Variants in PPM1H observed in about 807,000 individuals in gnomAD.
PPM1H encodes protein phosphatase 1H.
Under a neutral mutation model 54.9 loss-of-function variants are expected in PPM1H, and 27 were observed. That is an observed-to-expected ratio of 0.49 (90% CI 0.36 to 0.68). The LOEUF (loss-of-function observed/expected upper bound fraction) is 0.68, where lower values mean the gene tolerates loss of function less well. Ranked by LOEUF, PPM1H falls within the 30% of genes least tolerant of loss-of-function variation. The pLI is 0.00. For synonymous variants in PPM1H, 305 were observed against 270.8 expected (o/e 1.13, Z -1.24); for missense variants, 596 against 667.8 (o/e 0.89, Z 1.19).
At chr12:62,903,391 C>G (rs1871215280) in intron 1 of PPM1H, among the ~76,000 whole-genome samples, 1 of 152,102 alleles carries the variant, frequency 6.6e-6, no homozygotes, top group African/African-American at 2.4e-5. Flanking sequence ...CCAGAAATAC[C>G]CTGAAATGTT....
chr12:62,650,935 G>C (rs1041476462), intron 9 of PPM1H, among the ~76,000 whole-genome samples: 6 of 152,122 alleles, frequency 3.9e-5, no homozygotes, highest in African/African-American at 1.4e-4. Context: ...CTTACTCTTA[G>C]TTTTATATTA....
At chr12:62,781,024 G>A (rs1565786719) in intron 4 of PPM1H, among the ~76,000 whole-genome samples, 1 of 152,236 alleles carries the variant, frequency 6.6e-6, no homozygotes, top group Non-Finnish European at 1.5e-5. Context: ...TCAAGGCACA[G>A]CTTGGTTGGA....
At chr12:62,826,785 T>C (rs943395001) in intron 2 of PPM1H, among the ~76,000 whole-genome samples, 1 of 152,260 alleles carries the variant, frequency 6.6e-6, no homozygotes, top group African/African-American at 2.4e-5. Flanking sequence ...AGGGACTTCA[T>C]GCATCTTCGG....
At chr12:62,829,078 T>G (rs747467834) in intron 2 of PPM1H, among the ~76,000 whole-genome samples, 1 of 152,108 alleles carries the variant, frequency 6.6e-6, no homozygotes, top group South Asian at 2.1e-4. Context: ...ATCACATAAT[T>G]CATCAAATCC....
chr12:62,775,160 T>C (rs983956095), intron 4 of PPM1H, among the ~76,000 whole-genome samples: 1 of 152,194 alleles, frequency 6.6e-6, no homozygotes, highest in Admixed American at 6.5e-5. Context: ...TTGATGAAAA[T>C]TGCTAATTGC....
chr12:62,915,943 A>T (rs554296438), intron 1 of PPM1H, among the ~76,000 whole-genome samples: 276 of 152,252 alleles, frequency 1.8e-3, no homozygotes, highest in Middle Eastern at 0.01. Context: ...CTCTACACAA[A>T]ACCTGTTCTT....
At chr12:62,847,803 A>G (rs1322599439) in intron 1 of PPM1H, among the ~76,000 whole-genome samples, 1 of 152,238 alleles carries the variant, frequency 6.6e-6, no homozygotes, top group East Asian at 1.9e-4. Flanking sequence ...GAAGCTTACC[A>G]AGAGTAGACA....
chr12:62,819,885 T>G (rs1233391893), intron 2 of PPM1H, among the ~76,000 whole-genome samples: 1 of 152,148 alleles, frequency 6.6e-6, no homozygotes, highest in Admixed American at 6.5e-5. Context: ...ATTTCTGCAT[T>G]TCGAACTGAG....
intron 2 of PPM1H, among the ~76,000 whole-genome samples, chr12:62,822,957 C>T (rs1008006063): frequency 6.6e-6 from 1 of 152,064 alleles, no homozygotes; most frequent in African/African-American, 2.4e-5. Context: ...AATTCAGGAG[C>T]TGGTTTTTTG....
intron 2 of PPM1H, among the ~76,000 whole-genome samples, chr12:62,802,399 C>A (rs546680147): frequency 7.9e-5 from 12 of 152,286 alleles, no homozygotes; most frequent in African/African-American, 2.6e-4. Context: ...AAGGATGAAG[C>A]GGTCTCTGCC....
chr12:62,780,267 G>C (rs1283268630), intron 4 of PPM1H, among the ~76,000 whole-genome samples: 1 of 152,122 alleles, frequency 6.6e-6, no homozygotes, highest in Non-Finnish European at 1.5e-5. Context: ...AAAAAAATGT[G>C]AACCATTGAT....
chr12:62,667,276 G>T lies in PPM1H; in HGVS notation c.1299C>A (p.Ile433=), dbSNP rs1385439452. ...CGTCCCAGAGTCCATCAGTGGCCAA[G>T]ATCAGCACATCATCTGATCCATGAT... is the stretch of plus-strand genomic sequence containing the variant. The part of the protein sequence containing the change: ...KYDHGSDDVL[I]LATDGLWDVL... The change falls in exon 9 of 10, where the codon ATC becomes ATA. Residue 433 remains isoleucine (I), a synonymous_variant. Transcript: ENST00000228705. The T allele has an allele frequency of 6.2e-7, 1 of 1,607,190 alleles. No individual in the cohort carries two copies. Among genetic ancestry groups the T allele is most frequent in the Non-Finnish European group, 8.5e-7 (1 of 1,174,408 alleles).
At chr12:62,798,372 C>G (rs2076748277) in intron 3 of PPM1H, among the ~76,000 whole-genome samples, 1 of 152,204 alleles carries the variant, frequency 6.6e-6, no homozygotes, top group Non-Finnish European at 1.5e-5. Context: ...AACCATTCAT[C>G]TGTAGTATCT....
At chr12:62,691,938 G>C (rs569269351) in intron 7 of PPM1H, among the ~76,000 whole-genome samples, 1 of 152,216 alleles carries the variant, frequency 6.6e-6, no homozygotes, top group East Asian at 1.9e-4. Context: ...GTCCCTTGTG[G>C]CTCTCCTGCT....
At chr12:62,893,534 G>A (rs1346810818) in intron 1 of PPM1H, among the ~76,000 whole-genome samples, 2 of 151,914 alleles carry the variant, frequency 1.3e-5, no homozygotes, top group African/African-American at 4.8e-5. Flanking sequence ...ATGGCTCACT[G>A]CAGCCTCTAT....
chr12:62,728,096 G>T (rs1592566225), intron 5 of PPM1H, among the ~76,000 whole-genome samples: 2 of 152,322 alleles, frequency 1.3e-5, no homozygotes, highest in Admixed American at 6.5e-5. Context: ...AATGAGGGGA[G>T]AGGGCGGAGG....
At chr12:62,710,601 G>C (rs966800821) in intron 6 of PPM1H, among the ~76,000 whole-genome samples, 2 of 151,728 alleles carry the variant, frequency 1.3e-5, no homozygotes, top group African/African-American at 4.8e-5. Flanking sequence ...CTGGGACAGA[G>C]GGGCTGGCAA....
intron 5 of PPM1H, among the ~76,000 whole-genome samples, chr12:62,726,532 C>T (rs944679420): frequency 6.6e-6 from 1 of 151,988 alleles, no homozygotes; most frequent in Non-Finnish European, 1.5e-5. Flanking sequence ...CTGAGAAGAG[C>T]GTTACTGCTT....
chr12:62,801,956 G>C lies in PPM1H; in HGVS notation c.616C>G (p.Leu206Val), dbSNP rs751938700. The C allele has an allele frequency of 8.1e-6, 13 of 1,612,716 alleles. No homozygotes were observed. The South Asian group carries it at 1.3e-4, about 16-fold the overall frequency. ...CCGCGCAGGGAGGCTGCCCGGGTCA[G>C]AGTCCGGCTGTTGGCGGGCGTGTTC... is the stretch of plus-strand genomic sequence containing the variant. Reference protein sequence around the residue: ...PENTPANSRTLTRAASLRGGV... With the variant: ...PENTPANSRTVTRAASLRGGV... Residue 206 changes from leucine (L) to valine (V), a missense_variant, in exon 3 of 10, where the codon CTG (leucine) becomes GTG (valine). This residue lies in a region of PPM1H where 382 missense variants were observed against 387.1 expected (regional missense o/e 0.99). Coordinates refer to ENST00000228705, the MANE Select transcript of PPM1H (RefSeq NM_020700.2).
Sources: allele counts gnomAD v4.1 joint callset (sites outside exome capture counted in the v4.1 genomes callset), GRCh38; gene constraint gnomAD v4.1.1; regional missense constraint gnomAD v4.1.1; transcripts MANE v1.5; gene names NCBI Gene and HGNC (gene_info 2026-07-23, HGNC 2026-07-21).